SETD1B: variants seen among roughly 807,000 people sequenced by gnomAD.
The protein encoded by SETD1B is SET domain containing 1B, histone lysine methyltransferase, also known as histone-lysine N-methyltransferase SETD1B.
A neutral mutation model predicts 148.0 loss-of-function variants in SETD1B; 7 were observed. The ratio of observed to expected loss-of-function variants is 0.05; its 90% CI spans 0.03 to 0.09. The LOEUF is 0.09. Ranked by LOEUF, SETD1B falls within the 10% of genes least tolerant of loss-of-function variation. The pLI is 1.00. For missense variants in SETD1B, 2,155 were observed against 2,729.9 expected (o/e 0.79, Z 4.69); for synonymous variants, 1,361 against 1,186.5 (o/e 1.15, Z -3.02).
the SETD1B span, chr12:121,793,500 G>A: frequency 3.5e-5 from 54 of 1,541,942 alleles, no homozygotes; most frequent in Admixed American, 9.8e-5. Flanking sequence ...CCTCACCTCG[G>A]GGAAGGAGCC....
rs910583201 is a variant in SETD1B at position 121,804,985 on chromosome 12, C to T, written c.174+74C>T. On this transcript the variant is annotated intron_variant, in intron 2 of 16. Coordinates refer to ENST00000604567, the MANE Select transcript of SETD1B (RefSeq NM_001353345.2). The surrounding 1 kb of genome is among the most constrained non-coding windows in gnomAD (Gnocchi z 4.6). The stretch of plus-strand genomic sequence containing the variant: ...GAGACGCGCCTAGCGGCCAGGGACC[C>T]CCCGCCCGATCCCCCGGCCAACTGT... 2.3e-4 allele frequency: 342 copies of T among 1,466,758 alleles called. No homozygotes were observed. The highest frequency in any genetic ancestry group is 3.0e-4 in the Admixed American group (13 of 42,762). 90.9% of individuals were successfully genotyped at this position (1,466,758 alleles called of 1,614,324 possible).
At chr12:121,828,701 C>T (rs1876955588) in intron 16 of SETD1B, among the ~76,000 whole-genome samples, 1 of 152,206 alleles carries the variant, frequency 6.6e-6, no homozygotes, top group Non-Finnish European at 1.5e-5. Context: ...GGGGTGGATG[C>T]CCCTGACTTT....
In SETD1B at chr12:121,810,295, G is replaced by A. The variant is rs754073243; in HGVS notation, c.1350G>A (p.Thr450=). The A allele has an allele frequency of 3.1e-5, 48 of 1,542,808 alleles. No individual in the cohort carries two copies. In the South Asian group the frequency reaches 3.8e-4, roughly 12 times the overall value. ...CTCTGGCCAAGGAGAAGCCAGGCACGCCACCCGGCCCGCCGCCCCCCGACA... is the reference window on the plus strand; with the variant it reads ...CTCTGGCCAAGGAGAAGCCAGGCACACCACCCGGCCCGCCGCCCCCCGACA... The part of the protein sequence containing the change: ...AEPLAKEKPG[T]PPGPPPPDTN... Residue 450 remains threonine (T), a synonymous_variant, in exon 6 of 17, where the codon ACG becomes ACA. Coordinates refer to ENST00000604567, the MANE Select transcript of SETD1B (RefSeq NM_001353345.2). The surrounding 1 kb of genome is among the most constrained non-coding windows in gnomAD (Gnocchi z 7.6).
At position 121,805,756 on chromosome 12, in the gene SETD1B, G is replaced by T; in HGVS notation, c.274-79G>T. Reference sequence around the variant, plus strand: ...TGTTTTCAACGGGTGGGCGAGTTGCGGGCGGGGCGGGGGGGATGTTGTGTT... The same window carrying T: ...TGTTTTCAACGGGTGGGCGAGTTGCTGGCGGGGCGGGGGGGATGTTGTGTT... On this transcript the variant is annotated intron_variant, in intron 3 of 16. Coordinates refer to ENST00000604567, the MANE Select transcript of SETD1B (RefSeq NM_001353345.2). This position sits in a 1 kb window ranked among gnomAD's most constrained non-coding sequence, Gnocchi z 4.2. 1 of 1,357,070 alleles carries T rather than the reference G, an allele frequency of 7.4e-7. No homozygotes were observed. 84.1% of individuals were successfully genotyped at this position (1,357,070 alleles called of 1,614,324 possible). A position where few individuals can be genotyped will look rare whatever the true frequency, so the allele number is the denominator to read the frequency against.
intron 10 of SETD1B, among the ~76,000 whole-genome samples, 169 bp downstream of exon 10, chr12:121,818,073 C>T (rs978266337): frequency 6.6e-6 from 1 of 152,132 alleles, no homozygotes; most frequent in African/African-American, 2.4e-5. Context: ...TCAGGGAGTG[C>T]CGTGAACATA....
chr12:121,802,455 T>G (rs975300936), upstream of SETD1B: 2 of 152,196 alleles, frequency 1.3e-5, no homozygotes, highest in Non-Finnish European at 2.9e-5. Context: ...TTTAAAACAT[T>G]ACCTTGTTAA....
chr12:121,800,648 C>T (rs2137530938), upstream of SETD1B: 1 of 150,290 alleles, frequency 6.7e-6, no homozygotes, highest in South Asian at 2.1e-4. Context: ...CTACCCCTGC[C>T]GCTCCTCCCG....
chr12:121,799,739 G>GT (rs1875228538), upstream of SETD1B: 1 of 129,370 alleles, frequency 7.7e-6, no homozygotes, highest in Non-Finnish European at 1.7e-5. Context: ...GGTGGGGTGG[G>GT]GCGGGGCCGC....
chr12:121,797,227 T>C, the SETD1B span: 1 of 357,628 alleles, frequency 2.8e-6, no homozygotes, highest in South Asian at 2.1e-5. Flanking sequence ...ACGCTAGGGC[T>C]CCGGGCGGAG....
Position 121,808,339 on chromosome 12 carries a change from G to A in SETD1B, c.657+19G>A. 6.6e-7 allele frequency: 1 copy of A among 1,523,228 alleles called. No individual in the cohort carries two copies. The highest frequency in any genetic ancestry group is 1.2e-5 in the South Asian group (1 of 83,320). 94.4% of individuals were successfully genotyped at this position (1,523,228 alleles called of 1,614,324 possible). On this transcript the variant is annotated intron_variant, in intron 5 of 16. Coordinates refer to ENST00000604567, the MANE Select transcript of SETD1B (RefSeq NM_001353345.2). This position sits in a 1 kb window ranked among gnomAD's most constrained non-coding sequence, Gnocchi z 5.3. ...CCTGCAGGTGGGTTTATGGCCGTCA[G>A]TCTGCCCCATCGCCAGCTCTTTGAT...
rs553088119 is a variant in SETD1B, at chr12:121,820,011, G to A, written c.3910+116G>A. Reference sequence around the variant, plus strand: ...TGACCGTCCCCAGCCTCAGTTTCCCGTGTAAAACGAGATCAGCCGGTTGTG... The same window carrying A: ...TGACCGTCCCCAGCCTCAGTTTCCCATGTAAAACGAGATCAGCCGGTTGTG... On this transcript the variant is annotated intron_variant, in intron 11 of 16. Transcript: ENST00000604567. 1.3e-4 allele frequency: 111 copies of A among 884,816 alleles called. 1 individual carries two copies. The highest frequency in any genetic ancestry group is 6.2e-4 in the South Asian group (38 of 61,172). The allele number at this position is 884,816 out of a possible 1,614,324, so 54.8% of individuals were successfully genotyped here. A position where few individuals can be genotyped will look rare whatever the true frequency, so the allele number is the denominator to read the frequency against.
At position 121,810,823 on chromosome 12, in the gene SETD1B, G is replaced by C. The variant is rs1875998774; in HGVS notation, c.1878G>C (p.Glu626Asp). 6.6e-7 allele frequency: 1 copy of C among 1,507,954 alleles called. No homozygotes were observed. Among genetic ancestry groups the C allele is most frequent in the African/African-American group, 1.4e-5 (1 of 71,656 alleles). 93.4% of individuals were successfully genotyped at this position (1,507,954 alleles called of 1,614,324 possible). A position where few individuals can be genotyped will look rare whatever the true frequency, so the allele number is the denominator to read the frequency against. Residue 626 changes from glutamate to aspartate, a missense_variant, in exon 6 of 17, where the codon GAG (glutamate) becomes GAC (aspartate). By Grantham distance (45) the Glu-to-Asp change is conservative (BLOSUM62 2). Coordinates refer to ENST00000604567, the MANE Select transcript of SETD1B (RefSeq NM_001353345.2). The surrounding 1 kb of genome is among the most constrained non-coding windows in gnomAD (Gnocchi z 7.6). Reference protein sequence around the residue: ...DLVGDRTPTSEKMDEGQQSSG... With the variant: ...DLVGDRTPTSDKMDEGQQSSG... ...TTGGAGACAGAACCCCGACCTCAGA[G>C]AAGATGGATGAGGTACCACCGTGTC...
chr12:121,797,671 A>T, the SETD1B span: 1 of 452,802 alleles, frequency 2.2e-6, no homozygotes, highest in Non-Finnish European at 4.5e-6. Context: ...CAATTACTTA[A>T]TTATCCAAAG....
chr12:121,816,866 G>A lies in SETD1B; in HGVS notation c.2716-167G>A, dbSNP rs186688340. On this transcript the variant is annotated intron_variant, in intron 7 of 16. Coordinates refer to ENST00000604567, the MANE Select transcript of SETD1B (RefSeq NM_001353345.2). ...ATCTATGAGGCAGAGCGGTGCTCTA[G>A]AGCCTCGTGGGTAACGGCATAGTGT... 7.4e-3 allele frequency among the ~76,000 whole-genome samples: 1,122 copies of A among 152,358 alleles called. 4 individuals are homozygous for A. Among genetic ancestry groups the A allele is most frequent in the Non-Finnish European group, 0.012 (823 of 68,034 alleles).
At chr12:121,811,643 ACCTG>A (rs1876039485) in intron 6 of SETD1B, among the ~76,000 whole-genome samples, 1 of 151,688 alleles carries the variant, frequency 6.6e-6, no homozygotes, top group African/African-American at 2.4e-5. Context: ...CGGTCCAGGC[ACCTG>A]CCTTGGAGCC....
chr12:121,800,616 G>A (rs1875294326), upstream of SETD1B: 1 of 150,992 alleles, frequency 6.6e-6, no homozygotes, highest in South Asian at 2.1e-4. Context: ...TGCCCGCGTG[G>A]GCCGCCGGGT....
In SETD1B at chr12:121,814,255, G is replaced by T. The variant is rs747374516; in HGVS notation, c.2040G>T (p.Pro680=). 2 of 1,421,602 alleles carry T rather than the reference G, an allele frequency of 1.4e-6. No individual in the cohort carries two copies. Among genetic ancestry groups the T allele is most frequent in the African/African-American group, 1.8e-5 (1 of 54,176 alleles). 88.1% of individuals were successfully genotyped at this position (1,421,602 alleles called of 1,614,324 possible). A position where few individuals can be genotyped will look rare whatever the true frequency, so the allele number is the denominator to read the frequency against. Residue 680 remains proline (P), a synonymous_variant, in exon 7 of 17, where the codon CCG becomes CCT. Coordinates refer to ENST00000604567, the MANE Select transcript of SETD1B (RefSeq NM_001353345.2). The part of the protein sequence containing the change: ...AAPSVLAPTL[P]LPPPPGFPPL... ...CTTCTGTGCTAGCCCCAACCCTGCCGCTGCCCCCGCCACCTGGCTTCCCCC... is the reference window on the plus strand; with the variant it reads ...CTTCTGTGCTAGCCCCAACCCTGCCTCTGCCCCCGCCACCTGGCTTCCCCC...
Position 121,830,472 on chromosome 12 carries a change from A to T in SETD1B, c.*233A>T, listed in dbSNP as rs1877042215. 4.6e-6 allele frequency: 2 copies of T among 433,320 alleles called. No homozygotes were observed. The highest frequency in any genetic ancestry group is 4.0e-5 in the African/African-American group (2 of 49,600). 26.8% of individuals were successfully genotyped at this position (433,320 alleles called of 1,614,324 possible). A position where few individuals can be genotyped will look rare whatever the true frequency, so the allele number is the denominator to read the frequency against. On this transcript the variant is annotated 3_prime_UTR_variant, in exon 17 of 17. Coordinates refer to ENST00000604567, the MANE Select transcript of SETD1B (RefSeq NM_001353345.2). The surrounding 1 kb of genome is among the most constrained non-coding windows in gnomAD (Gnocchi z 5.7). ...GCCCACGTCTCTCTCATTTTAACAA[A>T]CGCCCCTTTCAGGATTTCTGTTTAA...
intron 10 of SETD1B, 63 bp from the exon 11 acceptor site, chr12:121,819,341 G>A (rs1449752116): frequency 6.5e-7 from 1 of 1,545,140 alleles, no homozygotes; most frequent in Admixed American, 2.0e-5. Context: ...TTGGTGAGGG[G>A]TCTGGTGGGG....
Sources: gnomAD v4.1 joint callset for allele counts (sites outside exome capture counted in the v4.1 genomes callset) on GRCh38, gnomAD v4.1.1 for gene constraint, Gnocchi (gnomAD v3.1) non-coding constraint, MANE v1.5 for transcripts, NCBI Gene and HGNC (gene_info 2026-07-23, HGNC 2026-07-21) for gene names.